The following ARMH3 variants were observed in gnomAD, a reference collection of about 807,000 sequenced individuals.
ARMH3 encodes the protein armadillo-like helical domain-containing protein 3.
In ARMH3, 60 loss-of-function variants were observed where a neutral mutation model predicts 99.1. The observed-to-expected ratio is 0.61, with a 90% CI of 0.49 to 0.75. The LOEUF (loss-of-function observed/expected upper bound fraction) is 0.75, where lower values mean the gene tolerates loss of function less well. Ranked by LOEUF, ARMH3 falls within the 30% of genes least tolerant of loss-of-function variation. The pLI is 0.00. For synonymous variants in ARMH3, 285 were observed against 292.8 expected (o/e 0.97, Z 0.27); for missense variants, 679 against 843.1 (o/e 0.81, Z 2.41).
In ARMH3 at chr10:101,853,044, T is replaced by C. The variant is rs568196105; in HGVS notation, c.1861-3152A>G. Among the ~76,000 whole-genome samples, 150 of 147,790 alleles carry C rather than the reference T, an allele frequency of 1.0e-3. 1 individual carries two copies. Among genetic ancestry groups the C allele is most frequent in the Admixed American group, 7.3e-3 (108 of 14,812 alleles). On this transcript the variant is annotated intron_variant, in intron 24 of 25. Coordinates refer to ENST00000370033, the MANE Select transcript of ARMH3 (RefSeq NM_024541.3). ...GATTACAGGCGCCTGCCACCATGCT[T>C]GGCTAATTTTTTTTTTTTTTTTTTT...
intron 24 of ARMH3, among the ~76,000 whole-genome samples, chr10:101,875,511 G>A (rs1484862276): frequency 6.6e-6 from 1 of 152,116 alleles, no homozygotes; most frequent in African/African-American, 2.4e-5. Flanking sequence ...TAGGCAGAAG[G>A]TTTTTTCCCC....
intron 24 of ARMH3, among the ~76,000 whole-genome samples, chr10:101,886,821 C>G (rs1224776851): frequency 1.3e-5 from 2 of 152,108 alleles, no homozygotes; most frequent in Non-Finnish European, 2.9e-5. Context: ...TAGGAAAGTG[C>G]CCTGTCTTCT....
intron 23 of ARMH3, among the ~76,000 whole-genome samples, chr10:101,906,989 A>G (rs1278173429): frequency 1.3e-5 from 2 of 152,216 alleles, no homozygotes; most frequent in African/African-American, 2.4e-5. Flanking sequence ...AACTAATTCT[A>G]TATCTGACTT....
At chr10:101,981,936 G>A (rs994723061) in intron 19 of ARMH3, among the ~76,000 whole-genome samples, 2 of 148,594 alleles carry the variant, frequency 1.3e-5, no homozygotes, top group African/African-American at 4.9e-5. Context: ...GGAGAATGGC[G>A]TGAACTTGCA....
intron 23 of ARMH3, among the ~76,000 whole-genome samples, chr10:101,931,228 CT>C (rs1464042095): frequency 6.6e-6 from 1 of 152,186 alleles, no homozygotes; most frequent in East Asian, 1.9e-4. Context: ...CTGTAGTTAT[CT>C]CAGAAAAGCA....
chr10:101,993,071 G>A (rs1188263501), intron 17 of ARMH3, among the ~76,000 whole-genome samples: 1 of 152,000 alleles, frequency 6.6e-6, no homozygotes, highest in Non-Finnish European at 1.5e-5. Context: ...AGGAGCTGGA[G>A]ACCAGCCTGG....
intron 1 of ARMH3, among the ~76,000 whole-genome samples, chr10:102,047,577 C>T (rs1406937373): frequency 6.6e-6 from 1 of 151,740 alleles, no homozygotes; most frequent in Non-Finnish European, 1.5e-5. Flanking sequence ...ACCTCCGCAT[C>T]CCAGGCTCAA....
chr10:101,965,049 T>C (rs1034267314), intron 20 of ARMH3, among the ~76,000 whole-genome samples: 4 of 152,050 alleles, frequency 2.6e-5, no homozygotes, highest in African/African-American at 9.7e-5. Flanking sequence ...TAATGAGTAC[T>C]GAGTTTCAGT....
chr10:101,919,476 T>C (rs1843219239), intron 23 of ARMH3, among the ~76,000 whole-genome samples: 1 of 152,126 alleles, frequency 6.6e-6, no homozygotes, highest in African/African-American at 2.4e-5. Context: ...TATAAGCCTT[T>C]CCCTTAATAG....
At chr10:102,031,509 G>A (rs938454359) in intron 4 of ARMH3, among the ~76,000 whole-genome samples, 34 of 152,122 alleles carry the variant, frequency 2.2e-4, no homozygotes, top group Admixed American at 2.2e-3. Flanking sequence ...CTTTCATTGA[G>A]CCCCTATGCT....
intron 20 of ARMH3, among the ~76,000 whole-genome samples, chr10:101,959,817 C>A (rs528452796): frequency 1.3e-5 from 2 of 152,316 alleles, no homozygotes; most frequent in East Asian, 3.9e-4. Flanking sequence ...TTGCATTCTG[C>A]CCCTGAAAAT....
At chr10:101,860,283 T>C (rs2066836322) in intron 24 of ARMH3, among the ~76,000 whole-genome samples, 1 of 152,100 alleles carries the variant, frequency 6.6e-6, no homozygotes, top group Admixed American at 6.6e-5. Context: ...GATGAATAGT[T>C]AATATAAGGG....
chr10:102,025,151 C>T lies in ARMH3; in HGVS notation c.507+5G>A. On this transcript the variant is annotated splice_donor_5th_base_variant and intron_variant, in intron 6 of 25. Transcript: ENST00000370033. ...TAATACCCTTGACAAACATAGGTCA[C>T]TTACGGTCACTAAGCAAAGGAGAAG... is the stretch of plus-strand genomic sequence containing the variant. The T allele has an allele frequency of 1.2e-6, 2 of 1,609,782 alleles. No individual in the cohort carries two copies. Among genetic ancestry groups the T allele is most frequent in the South Asian group, 1.1e-5 (1 of 90,962 alleles).
At chr10:101,910,528 G>A (rs192740589) in intron 23 of ARMH3, among the ~76,000 whole-genome samples, 10 of 151,966 alleles carry the variant, frequency 6.6e-5, no homozygotes, top group Admixed American at 4.6e-4. Context: ...TCAGGAGTTC[G>A]AGACCAGCCT....
At chr10:101,884,085 G>C (rs1342505894) in intron 24 of ARMH3, among the ~76,000 whole-genome samples, 1 of 151,922 alleles carries the variant, frequency 6.6e-6, no homozygotes, top group Non-Finnish European at 1.5e-5. Flanking sequence ...CAGAATTTCG[G>C]AAGGCTTACA....
intron 22 of ARMH3, among the ~76,000 whole-genome samples, chr10:101,954,477 G>A (rs187618918): frequency 6.5e-4 from 99 of 152,238 alleles, no homozygotes; most frequent in African/African-American, 2.4e-3. Context: ...TCTGCAAAAG[G>A]CAAAACCAAG....
intron 22 of ARMH3, among the ~76,000 whole-genome samples, chr10:101,943,450 A>G (rs946121096): frequency 6.6e-6 from 1 of 152,184 alleles, no homozygotes; most frequent in Non-Finnish European, 1.5e-5. Flanking sequence ...ATTAGCCTAC[A>G]TTCAAGGTTG....
At chr10:101,864,602 A>G (rs559068277) in intron 24 of ARMH3, among the ~76,000 whole-genome samples, 48 of 152,320 alleles carry the variant, frequency 3.2e-4, no homozygotes, top group Non-Finnish European at 7.4e-5. Context: ...AGGGACATGG[A>G]TGAAGCTGGA....
chr10:101,933,764 A>G (rs1347660659), intron 23 of ARMH3, among the ~76,000 whole-genome samples: 1 of 152,216 alleles, frequency 6.6e-6, no homozygotes, highest in African/African-American at 2.4e-5. Flanking sequence ...CCTACCTGCC[A>G]CCTCAGAGCA....
Sources: gnomAD v4.1 joint callset for allele counts (sites outside exome capture counted in the v4.1 genomes callset) on GRCh38, gnomAD v4.1.1 for gene constraint, MANE v1.5 for transcripts, NCBI Gene and HGNC (gene_info 2026-07-23, HGNC 2026-07-21) for gene names.